The following HPS5 variants were observed in gnomAD, a reference collection of about 807,000 sequenced individuals.
HPS5 encodes the protein HPS5 biogenesis of lysosomal organelles complex 2 subunit 2, also known as BLOC-2 complex member HPS5.
Under a neutral mutation model 128.0 loss-of-function variants are expected in HPS5, and 83 were observed. The observed-to-expected ratio is 0.65, with a 90% CI of 0.54 to 0.78. HPS5 has a LOEUF of 0.78. Among genes scored for constraint, HPS5 ranks in the 30% least tolerant of loss-of-function variants. The pLI is 0.00. For synonymous variants in HPS5, 475 were observed against 470.2 expected, an observed-to-expected ratio of 1.01 and a Z score of -0.13; for missense variants, 1,281 against 1,326.2, an observed-to-expected ratio of 0.97 and a Z score of 0.53.
rs887253541 is a variant in HPS5, at chr11:18,297,731, A to G, written c.1165-14T>C. On this transcript the variant is annotated splice_polypyrimidine_tract_variant and intron_variant, in intron 10 of 22. Coordinates refer to ENST00000349215, the MANE Select transcript of HPS5 (RefSeq NM_181507.2). Reference sequence around the variant, plus strand: ...AGTTTTTCTTGCCTAATAAAACAACAGCGCAATGGAATAGCTATTTGTAGG... The same window carrying G: ...AGTTTTTCTTGCCTAATAAAACAACGGCGCAATGGAATAGCTATTTGTAGG... The G allele has an allele frequency of 6.2e-7, 1 of 1,611,584 alleles. No individual in the cohort carries two copies. Among genetic ancestry groups the G allele is most frequent in the Non-Finnish European group, 8.5e-7 (1 of 1,178,154 alleles).
chr11:18,310,677 G>T, intron 5 of HPS5, 64 bp downstream of exon 5: 1 of 1,272,946 alleles, frequency 7.9e-7, no homozygotes, highest in Non-Finnish European at 1.1e-6. Context: ...TCCTTTAATT[G>T]GAAGTTTTAT....
chr11:18,306,136 TGAGAG>T lies in HPS5; in HGVS notation c.818_822del (p.Thr273LysfsTer7), dbSNP rs1131692147. 20 of 1,597,156 alleles carry T rather than the reference TGAGAG, an allele frequency of 1.3e-5. No homozygotes were observed. The highest frequency in any genetic ancestry group is 1.7e-5 in the Non-Finnish European group (20 of 1,164,548). On this transcript the variant is annotated frameshift_variant and splice_region_variant, in exon 7 of 23. Coordinates refer to ENST00000349215, the MANE Select transcript of HPS5 (RefSeq NM_181507.2). LOFTEE classifies it high-confidence loss of function. ...CCAACCAGCCATACAAATCGTTACC[TGAGAG>T]TAATCACAGGGAGAGGTGGCAACGA...
In HPS5 at chr11:18,311,508, A is replaced by ATTTTTT. The variant is rs778669578; in HGVS notation, c.220-58_220-57insAAAAAA. The ATTTTTT allele has an allele frequency of 5.3e-5, 41 of 780,110 alleles. 1 individual carries two copies. The highest frequency in any genetic ancestry group is 1.2e-4 in the Admixed American group (3 of 25,826). The allele number at this position is 780,110 out of a possible 1,614,324, so 48.3% of individuals were successfully genotyped here. Reference sequence around the variant, plus strand: ...TCTCAAGTTTTACATTATTATTATTATTATTTTTTTTTTTTTTTTTGAGAC... The same window carrying ATTTTTT: ...TCTCAAGTTTTACATTATTATTATTATTTTTTTTATTTTTTTTTTTTTTTTTGAGAC... On this transcript the variant is annotated intron_variant, in intron 3 of 22. Coordinates refer to ENST00000349215, the MANE Select transcript of HPS5 (RefSeq NM_181507.2).
Position 18,286,637 on chromosome 11 carries a change from C to T in HPS5, c.2791G>A (p.Asp931Asn). Residue 931 changes from aspartate to asparagine, a missense_variant, in exon 19 of 23, where the codon GAT becomes AAT. Coordinates refer to ENST00000349215, the MANE Select transcript of HPS5 (RefSeq NM_181507.2). Reference protein sequence around the residue: ...LDWLLLAVSLDAPPSTSTMDD... With the variant: ...LDWLLLAVSLNAPPSTSTMDD... Reference sequence around the variant, plus strand: ...ATTGTGCTGGTGCTTGGTGGAGCATCAAGGGACACTGCCAAAAGCAGCCAA... The same window carrying T: ...ATTGTGCTGGTGCTTGGTGGAGCATTAAGGGACACTGCCAAAAGCAGCCAA... The T allele has an allele frequency of 6.2e-7, 1 of 1,613,978 alleles. No homozygotes were observed. Among genetic ancestry groups the T allele is most frequent in the Non-Finnish European group, 8.5e-7 (1 of 1,180,000 alleles).
In HPS5 at chr11:18,283,786, T is replaced by A. The variant is rs2049129; in HGVS notation, c.3058+9A>T. On this transcript the variant is annotated intron_variant, in intron 21 of 22. Transcript: ENST00000349215. ...GACAACCAAGAGTAACCAGTTAGGA[T>A]TGACATACCATTGTCCCCTTCCATC... is the stretch of plus-strand genomic sequence containing the variant. The A allele has an allele frequency of 6.3e-7, 1 of 1,582,602 alleles. No homozygotes were observed. Among genetic ancestry groups the A allele is most frequent in the Non-Finnish European group, 8.7e-7 (1 of 1,152,138 alleles).
Position 18,301,364 on chromosome 11 carries a change from G to A in HPS5, c.897-448C>T, listed in dbSNP as rs576808546. ...CCAGCTACTCGGGAGGCTGAGGCAG[G>A]AGAATCACTTACAGGGAGGCGGAGG... On this transcript the variant is annotated intron_variant, in intron 8 of 22. Coordinates refer to ENST00000349215, the MANE Select transcript of HPS5 (RefSeq NM_181507.2). 2.7e-5 allele frequency among the ~76,000 whole-genome samples: 4 copies of A among 148,570 alleles called. No individual in the cohort carries two copies. The South Asian group carries it at 8.5e-4, about 32-fold the overall frequency.
At chr11:18,318,606 A>T (rs1564989306) in intron 1 of HPS5, among the ~76,000 whole-genome samples, 1 of 152,220 alleles carries the variant, frequency 6.6e-6, no homozygotes, top group South Asian at 2.1e-4. Flanking sequence ...TTATGTGTTC[A>T]CCTACTCTCA....
intron 20 of HPS5, among the ~76,000 whole-genome samples, chr11:18,284,167 G>GAA (rs754365965): frequency 1.5e-5 from 2 of 132,512 alleles, no homozygotes; most frequent in Non-Finnish European, 1.6e-5. Context: ...CTGATCTAGG[G>GAA]AAAAAAAAAA....
Position 18,300,589 on chromosome 11 carries a change from C to G in HPS5, c.985+239G>C, listed in dbSNP as rs1861579380. On this transcript the variant is annotated intron_variant, in intron 9 of 22. Coordinates refer to ENST00000349215, the MANE Select transcript of HPS5 (RefSeq NM_181507.2). ...GTGCGTGCCTGTAATCCCAGCTACT[C>G]AGGAGGCTGAGGCAGGAGAATCACT... Among the ~76,000 whole-genome samples the G allele has an allele frequency of 2.7e-5, 4 of 150,816 alleles. No individual in the cohort carries two copies. The South Asian group carries it at 8.3e-4, about 31-fold the overall frequency.
intron 7 of HPS5, among the ~76,000 whole-genome samples, chr11:18,305,934 G>A (rs979258979): frequency 1.4e-4 from 20 of 145,198 alleles, no homozygotes; most frequent in East Asian, 4.0e-4. Context: ...GGGTTTCACC[G>A]CGTTAGTCAG....
chr11:18,286,505 A>T, intron 19 of HPS5, 86 bp downstream of exon 19: 1 of 1,358,462 alleles, frequency 7.4e-7, no homozygotes, highest in Non-Finnish European at 1.0e-6. Context: ...TCTTAGCACC[A>T]CATTCCAGCC....
At chr11:18,312,687 G>C (rs201394576) in intron 2 of HPS5, among the ~76,000 whole-genome samples, 1 of 152,338 alleles carries the variant, frequency 6.6e-6, no homozygotes, top group East Asian at 1.9e-4. Flanking sequence ...CTGAGGCCTT[G>C]ATGAAAGATG....
intron 21 of HPS5, 149 bp downstream of exon 21, chr11:18,283,645 CA>C: frequency 1.5e-6 from 1 of 656,208 alleles, no homozygotes; most frequent in Non-Finnish European, 2.7e-6. Context: ...AAAACAAAAA[CA>C]AAAACAAAAA....
chr11:18,298,665 T>C, intron 10 of HPS5, 127 bp downstream of exon 10: 3 of 860,664 alleles, frequency 3.5e-6, no homozygotes, highest in South Asian at 2.7e-5. Context: ...TCTCTGGGCA[T>C]GTATTGCTGT....
intron 2 of HPS5, among the ~76,000 whole-genome samples, chr11:18,313,811 G>A (rs1279837880): frequency 2.0e-5 from 3 of 151,928 alleles, no homozygotes; most frequent in Non-Finnish European, 4.4e-5. Context: ...CTACTTGGGA[G>A]GCTGAGGCAG....
chr11:18,296,266 T>C (rs1375312020), intron 12 of HPS5, 144 bp from the exon 13 acceptor site: 25 of 800,668 alleles, frequency 3.1e-5, no homozygotes, highest in Non-Finnish European at 1.4e-5. Context: ...AACAAATGAG[T>C]GGAACACAGG....
intron 5 of HPS5, among the ~76,000 whole-genome samples, 176 bp downstream of exon 5, chr11:18,310,565 C>T (rs1416430250): frequency 6.6e-6 from 1 of 152,214 alleles, no homozygotes; most frequent in African/African-American, 2.4e-5. Flanking sequence ...CGGTATTGAG[C>T]TAACAGGCCA....
intron 19 of HPS5, 58 bp downstream of exon 19, chr11:18,286,533 T>G (rs1859747610): frequency 6.6e-7 from 1 of 1,522,206 alleles, no homozygotes; most frequent in Non-Finnish European, 9.0e-7. Flanking sequence ...CAGAGTGAGA[T>G]CCTGTCTCAA....
intron 9 of HPS5, 34 bp from the exon 10 acceptor site, chr11:18,299,004 T>G (rs1317469056): frequency 3.1e-6 from 5 of 1,590,242 alleles, no homozygotes; most frequent in Admixed American, 1.7e-5. Context: ...ATACAAAATG[T>G]TAACCAAATA....
Sources: allele counts gnomAD v4.1 joint callset (sites outside exome capture counted in the v4.1 genomes callset), GRCh38; gene constraint gnomAD v4.1.1; transcripts MANE v1.5; gene names NCBI Gene and HGNC (gene_info 2026-07-23, HGNC 2026-07-21).